Variants in ACBD3 observed in about 807,000 individuals in gnomAD.
The protein encoded by ACBD3 is acyl-CoA binding domain containing 3, also known as Golgi resident protein GCP60.
Under a neutral mutation model 66.9 loss-of-function variants are expected in ACBD3, and 30 were observed. The observed-to-expected ratio is 0.45, with a 90% confidence interval of 0.34 to 0.61. The LOEUF is 0.61. ACBD3 is among the 20% of genes least tolerant of loss of function. The pLI is 0.02. For synonymous variants in ACBD3, 278 were observed against 259.8 expected, an observed-to-expected ratio of 1.07 and a Z score of -0.68; for missense variants, 544 against 664.5, an observed-to-expected ratio of 0.82 and a Z score of 1.99.
chr1:226,151,597 G>A (rs1447837483), intron 7 of ACBD3, among the ~76,000 whole-genome samples: 1 of 152,126 alleles, frequency 6.6e-6, no homozygotes, highest in African/African-American at 2.4e-5. Flanking sequence ...GACTATTCTG[G>A]TGAGTTTCTG....
At position 226,161,598 on chromosome 1, in the gene ACBD3, T is replaced by C. The variant is rs1021511425; in HGVS notation, c.661A>G (p.Arg221Gly). The change falls in exon 4 of 8, where the codon AGG becomes GGG. Residue 221 changes from arginine (R) to glycine (G), a missense_variant. Physicochemically the swap from Arg to Gly is moderately radical, Grantham distance 125. Coordinates refer to ENST00000366812, the MANE Select transcript of ACBD3 (RefSeq NM_022735.4). ...EEKRRREEEE[R>G]LRREEEERRR... ...CTTTCCTCTTCCTCCCGTCGAAGCC[T>C]TTCCTCTTCTTCTCTCCTACGTTTC... 4 of 1,613,984 alleles carry C rather than the reference T, an allele frequency of 2.5e-6. No homozygotes were observed. The highest frequency in any genetic ancestry group is 3.4e-6 in the Non-Finnish European group (4 of 1,180,014).
Position 226,148,924 on chromosome 1 carries a change from A to G in ACBD3, c.1376-2103T>C, listed in dbSNP as rs1659509419. 2.0e-5 allele frequency among the ~76,000 whole-genome samples: 3 copies of G among 152,212 alleles called. No individual in the cohort carries two copies. In the South Asian group the frequency reaches 6.2e-4, roughly 32 times the overall value. On this transcript the variant is annotated intron_variant, in intron 7 of 7. Coordinates refer to ENST00000366812, the MANE Select transcript of ACBD3 (RefSeq NM_022735.4). ...GATAAAGCTTCACTGCTGTGAGGCT[A>G]AAATGTTTTAGCTGCAAATCATTTT...
intron 1 of ACBD3, among the ~76,000 whole-genome samples, chr1:226,170,005 A>C (rs528430787): frequency 1.5e-5 from 2 of 132,374 alleles, no homozygotes; most frequent in Admixed American, 8.7e-5. Flanking sequence ...TAAGAAACAG[A>C]GCGAGATTCC....
In ACBD3 at chr1:226,186,244, C is replaced by T. The variant is rs1488742388; in HGVS notation, c.286+146G>A. 3.5e-5 allele frequency: 38 copies of T among 1,095,584 alleles called. No homozygotes were observed. In the East Asian group the frequency reaches 1.2e-3, roughly 35 times the overall value. 67.9% of individuals were successfully genotyped at this position (1,095,584 alleles called of 1,614,324 possible). The stretch of plus-strand genomic sequence containing the variant: ...GCGGGTAGTGACAAACTTCGGGTAC[C>T]CCCAAGGAGGGAACCCCGCTTGAGT... On this transcript the variant is annotated intron_variant, in intron 1 of 7. Coordinates refer to ENST00000366812, the MANE Select transcript of ACBD3 (RefSeq NM_022735.4).
intron 7 of ACBD3, among the ~76,000 whole-genome samples, chr1:226,151,183 C>T (rs1373666516): frequency 6.6e-6 from 1 of 152,132 alleles, no homozygotes; most frequent in Admixed American, 6.6e-5. Context: ...TTAACTTTAT[C>T]CCACTGTAAT....
Position 226,186,379 on chromosome 1 carries a change from GC to G in ACBD3, c.286+10del, listed in dbSNP as rs1656307792. On this transcript the variant is annotated intron_variant, in intron 1 of 7. Coordinates refer to ENST00000366812, the MANE Select transcript of ACBD3 (RefSeq NM_022735.4). ...GGCAGAAGCGGCGGGGGTGGGGCTG[GC>G]CCGGCTCACCTTTGAAGAAGCGCAG... 6.6e-7 allele frequency: 1 copy of G among 1,511,584 alleles called. No individual in the cohort carries two copies. The highest frequency in any genetic ancestry group is 1.2e-5 in the South Asian group (1 of 81,256). 93.6% of individuals were successfully genotyped at this position (1,511,584 alleles called of 1,614,324 possible).
In ACBD3 at chr1:226,164,937, G is replaced by A. The variant is rs1301375378; in HGVS notation, c.429-8C>T. 2.6e-6 allele frequency: 4 copies of A among 1,533,536 alleles called. No homozygotes were observed. Among genetic ancestry groups the A allele is most frequent in the Non-Finnish European group, 3.5e-6 (4 of 1,142,214 alleles). 95.0% of individuals were successfully genotyped at this position (1,533,536 alleles called of 1,614,324 possible). A position where few individuals can be genotyped will look rare whatever the true frequency, so the allele number is the denominator to read the frequency against. The stretch of plus-strand genomic sequence containing the variant: ...AGGGCTGCCCATTCTCTCCTGTAAG[G>A]AATAACAAGAAAAGTTACCTCCCCT... On this transcript the variant is annotated splice_region_variant and splice_polypyrimidine_tract_variant and intron_variant, in intron 2 of 7. Coordinates refer to ENST00000366812, the MANE Select transcript of ACBD3 (RefSeq NM_022735.4).
intron 1 of ACBD3, among the ~76,000 whole-genome samples, chr1:226,168,009 T>C (rs1659907391): frequency 1.3e-5 from 2 of 152,174 alleles, no homozygotes; most frequent in African/African-American, 4.8e-5. Context: ...GAAGGTCAAT[T>C]TGGCAATACA....
intron 1 of ACBD3, among the ~76,000 whole-genome samples, chr1:226,176,662 C>T (rs1192877433): frequency 2.0e-5 from 3 of 151,918 alleles, no homozygotes; most frequent in South Asian, 2.1e-4. Flanking sequence ...CAGAAAAGCA[C>T]GATTTAACTT....
chr1:226,160,095 C>CTT (rs199846671), intron 4 of ACBD3, among the ~76,000 whole-genome samples: 30 of 143,172 alleles, frequency 2.1e-4, no homozygotes, highest in South Asian at 4.5e-4. Context: ...CATGCTTCTT[C>CTT]TTTTTTTTTT....
At chr1:226,186,160 C>G (rs1656297526) in intron 1 of ACBD3, among the ~76,000 whole-genome samples, 2 of 152,212 alleles carry the variant, frequency 1.3e-5, no homozygotes, top group African/African-American at 2.4e-5. Flanking sequence ...CTCTGGGAGG[C>G]GGGACATGAC....
chr1:226,179,395 G>C (rs907458502), intron 1 of ACBD3, among the ~76,000 whole-genome samples: 2 of 152,104 alleles, frequency 1.3e-5, no homozygotes, highest in Non-Finnish European at 2.9e-5. Flanking sequence ...CGGCTTGTTT[G>C]AGGTGTACTC....
At position 226,186,430 on chromosome 1, in the gene ACBD3, G is replaced by T. The variant is rs1172258290; in HGVS notation, c.246C>A (p.Gly82=). The change falls in exon 1 of 8, where the codon GGC becomes GGA. Residue 82 remains glycine (G), a synonymous_variant. Coordinates refer to ENST00000366812, the MANE Select transcript of ACBD3 (RefSeq NM_022735.4). The part of the protein sequence containing the change: ...ARRLEQRWGF[G]LEELYGLALR... ...GTGCCAGGCCGTACAACTCCTCCAGGCCGAAACCCCAGCGCTGCTCCAGCC... is the reference window on the plus strand; with the variant it reads ...GTGCCAGGCCGTACAACTCCTCCAGTCCGAAACCCCAGCGCTGCTCCAGCC... The T allele has an allele frequency of 5.9e-6, 9 of 1,525,908 alleles. No homozygotes were observed. The East Asian group carries it at 2.5e-4, about 42-fold the overall frequency. The allele number at this position is 1,525,908 out of a possible 1,614,324, so 94.5% of individuals were successfully genotyped here.
intron 1 of ACBD3, among the ~76,000 whole-genome samples, chr1:226,185,805 A>G (rs762047439): frequency 2.9e-4 from 44 of 152,172 alleles, no homozygotes; most frequent in Non-Finnish European, 5.3e-4. Flanking sequence ...TCTCTCCTCA[A>G]GAGTTTGACA....
intron 1 of ACBD3, among the ~76,000 whole-genome samples, chr1:226,172,155 C>CAAAAAAAAAAAAAAAAA (rs779380166): frequency 4.6e-5 from 2 of 43,210 alleles, no homozygotes; most frequent in African/African-American, 7.8e-5. Flanking sequence ...AACTCCATCT[C>CAAAAAAAAAAAAAAAAA]AAAAAAAAAA....
intron 1 of ACBD3, among the ~76,000 whole-genome samples, chr1:226,176,232 C>G (rs1264011457): frequency 6.6e-6 from 1 of 152,106 alleles, no homozygotes; most frequent in Non-Finnish European, 1.5e-5. Context: ...TCAAGACCAG[C>G]CTGGCCAACA....
chr1:226,172,497 CA>C (rs748408277), intron 1 of ACBD3, among the ~76,000 whole-genome samples: 8 of 152,128 alleles, frequency 5.3e-5, no homozygotes, highest in Admixed American at 2.0e-4. Flanking sequence ...TTTGAATCCA[CA>C]AGTTAGAATC....
rs1659868830 is a variant in ACBD3 at position 226,165,912 on chromosome 1, A to C, written c.375T>G (p.Asn125Lys). ...ATCCAACCTCAGGACAAGTGTCTGGATTATATGGGCCCATAAGAACTTGCT... is the reference window on the plus strand; with the variant it reads ...ATCCAACCTCAGGACAAGTGTCTGGCTTATATGGGCCCATAAGAACTTGCT... ...LHKQVLMGPY[N>K]PDTCPEVGFF... The change falls in exon 2 of 8, where the codon AAT (asparagine) becomes AAG (lysine). Residue 125 changes from asparagine to lysine, a missense_variant. Asn to Lys is a moderately conservative substitution (Grantham distance 94). Around this residue, in one of 3 missense-constraint regions of ACBD3, gnomAD observed 24 missense variants for 56.2 expected, o/e 0.43. Transcript: ENST00000366812. 1 of 1,613,530 alleles carries C rather than the reference A, an allele frequency of 6.2e-7. No homozygotes were observed. The highest frequency in any genetic ancestry group is 8.5e-7 in the Non-Finnish European group (1 of 1,179,878).
At chr1:226,156,397 T>TA (rs1659671289) in intron 5 of ACBD3, among the ~76,000 whole-genome samples, 1 of 152,200 alleles carries the variant, frequency 6.6e-6, no homozygotes, top group African/African-American at 2.4e-5. Flanking sequence ...CATAAAAAGA[T>TA]AAAATCTATC....
Sources: gnomAD v4.1 joint callset for allele counts (sites outside exome capture counted in the v4.1 genomes callset) on GRCh38, gnomAD v4.1.1 for gene constraint, gnomAD v4.1.1 regional missense constraint, MANE v1.5 for transcripts, NCBI Gene and HGNC (gene_info 2026-07-23, HGNC 2026-07-21) for gene names.